Variants in SLC44A5 observed in about 807,000 individuals in gnomAD.
SLC44A5 encodes choline transporter-like protein 5.
In SLC44A5, 57 loss-of-function variants were observed where a neutral mutation model predicts 101.8. That is an observed-to-expected ratio of 0.56 (90% CI 0.45 to 0.70). The LOEUF is 0.70. SLC44A5 is among the 30% of genes least tolerant of loss of function. The pLI is 0.00. For missense variants in SLC44A5, 737 were observed against 853.1 expected (o/e 0.86, Z 1.70); for synonymous variants, 281 against 290.9 (o/e 0.97, Z 0.35).
chr1:75,658,873 C>T, the SLC44A5 span, among the ~76,000 whole-genome samples: 1 of 151,758 alleles, frequency 6.6e-6, no homozygotes, highest in Non-Finnish European at 1.5e-5. Context: ...ATTTTAAAAC[C>T]TTTATTTAGA....
rs145186992 is a variant in SLC44A5, at chr1:75,494,437, A to G, written c.13+46998T>C. Among the ~76,000 whole-genome samples, 120 of 152,294 alleles carry G rather than the reference A, an allele frequency of 7.9e-4. 1 individual carries two copies. Among genetic ancestry groups the G allele is most frequent in the African/African-American group, 2.7e-3 (111 of 41,564 alleles). ...CCCAAGGAATTAACTCCAAACTTGC[A>G]TATCTCTGGAAGTTGAGAATCTAGC... is the stretch of plus-strand genomic sequence containing the variant. On this transcript the variant is annotated intron_variant, in intron 2 of 23. Coordinates refer to ENST00000370859, the MANE Select transcript of SLC44A5 (RefSeq NM_001130058.2).
intron 2 of SLC44A5, among the ~76,000 whole-genome samples, chr1:75,496,882 T>C (rs543249927): frequency 6.6e-6 from 1 of 152,182 alleles, no homozygotes; most frequent in Non-Finnish European, 1.5e-5. Flanking sequence ...TGTAAAAAGA[T>C]GGTTAATATC....
chr1:75,467,035 C>T (rs187582255), intron 2 of SLC44A5, among the ~76,000 whole-genome samples: 1 of 151,896 alleles, frequency 6.6e-6, no homozygotes, highest in African/African-American at 2.4e-5. Context: ...TTCTATATGC[C>T]AATAATAAAC....
intron 2 of SLC44A5, among the ~76,000 whole-genome samples, chr1:75,438,158 A>T (rs1388412940): frequency 6.6e-6 from 1 of 152,140 alleles, no homozygotes; most frequent in Non-Finnish European, 1.5e-5. Context: ...TTCATTCAAG[A>T]AATGGGGAGA....
At chr1:75,252,319 A>G (rs1166982337) in intron 6 of SLC44A5, among the ~76,000 whole-genome samples, 4 of 152,222 alleles carry the variant, frequency 2.6e-5, no homozygotes, top group African/African-American at 2.4e-5. Flanking sequence ...GTAATGGGCT[A>G]TTGAGCAATA....
chr1:75,212,398 G>A (rs587124), intron 22 of SLC44A5, among the ~76,000 whole-genome samples: 33,293 of 151,786 alleles, frequency 0.22, 3,876 homozygotes, highest in Middle Eastern at 0.35. Flanking sequence ...TTGTGTCTAT[G>A]TGTACTCAAT....
At chr1:75,479,674 A>G (rs879684343) in intron 2 of SLC44A5, among the ~76,000 whole-genome samples, 304 of 122,648 alleles carry the variant, frequency 2.5e-3, no homozygotes, top group African/African-American at 5.7e-3. Flanking sequence ...ATTCCTTGAC[A>G]CATACACCCT....
chr1:75,465,089 T>G (rs1307046368), intron 2 of SLC44A5, among the ~76,000 whole-genome samples: 1 of 152,196 alleles, frequency 6.6e-6, no homozygotes, highest in Non-Finnish European at 1.5e-5. Context: ...AATACACATT[T>G]TTTGTTCATC....
In SLC44A5 at chr1:75,210,495, G is replaced by T. The variant is rs1049649130; in HGVS notation, c.2047+973C>A. ...AAATTAATCCAACTATTTCCTAGAGGCACTCCTCTCCGAATCCTATCCATT... is the reference window on the plus strand; with the variant it reads ...AAATTAATCCAACTATTTCCTAGAGTCACTCCTCTCCGAATCCTATCCATT... On this transcript the variant is annotated intron_variant, in intron 23 of 23. Transcript: ENST00000370859. 3.9e-5 allele frequency among the ~76,000 whole-genome samples: 6 copies of T among 152,226 alleles called. No homozygotes were observed. The East Asian group carries it at 1.2e-3, about 29-fold the overall frequency.
At chr1:75,476,261 T>A (rs116366122) in intron 2 of SLC44A5, among the ~76,000 whole-genome samples, 2,916 of 152,098 alleles carry the variant, frequency 0.019, 100 homozygotes, top group African/African-American at 0.067. Flanking sequence ...ACCTACTAAC[T>A]GGGGAGCAGC....
At chr1:75,719,770 G>A in the SLC44A5 span, among the ~76,000 whole-genome samples, 7 of 152,140 alleles carry the variant, frequency 4.6e-5, no homozygotes, top group Non-Finnish European at 8.8e-5. Context: ...TAAAGTCATA[G>A]TATTCTGAAG....
intron 1 of SLC44A5, among the ~76,000 whole-genome samples, chr1:75,551,360 C>T (rs1163881793): frequency 6.6e-6 from 1 of 152,116 alleles, no homozygotes; most frequent in Non-Finnish European, 1.5e-5. Context: ...CACTGAGCTC[C>T]AATAACCGTA....
At chr1:75,612,086 T>C (rs914588203), upstream of SLC44A5, among the ~76,000 whole-genome samples, 1 of 152,188 alleles carries the variant, frequency 6.6e-6, no homozygotes, top group Non-Finnish European at 1.5e-5. Flanking sequence ...TTCCTAGAGA[T>C]GCTATCAATA....
At chr1:75,398,514 A>T in intron 2 of SLC44A5, 1 of 398,934 alleles carries the variant, frequency 2.5e-6, no homozygotes, top group Non-Finnish European at 3.4e-6. Context: ...ACACTGTATC[A>T]TATACCCCAT....
At chr1:75,670,389 C>G in the SLC44A5 span, among the ~76,000 whole-genome samples, 1 of 152,120 alleles carries the variant, frequency 6.6e-6, no homozygotes, top group Admixed American at 6.5e-5. Context: ...AAATTCTAGA[C>G]AACACAAAAT....
intron 11 of SLC44A5, among the ~76,000 whole-genome samples, chr1:75,234,775 C>T (rs750156176): frequency 3.3e-5 from 5 of 152,002 alleles, no homozygotes; most frequent in East Asian, 1.9e-4. Context: ...ATTAACAGCA[C>T]GACTATCTTC....
the SLC44A5 span, among the ~76,000 whole-genome samples, chr1:75,622,635 T>C: frequency 5.6e-3 from 855 of 152,220 alleles, 6 homozygotes; most frequent in Non-Finnish European, 9.2e-3. Flanking sequence ...AGAGTATGAA[T>C]GGAAGGACAC....
At chr1:75,506,063 G>A (rs1385200160) in intron 2 of SLC44A5, among the ~76,000 whole-genome samples, 1 of 152,012 alleles carries the variant, frequency 6.6e-6, no homozygotes, top group Non-Finnish European at 1.5e-5. Context: ...TCATTCTTCT[G>A]CATATGGCCA....
the SLC44A5 span, among the ~76,000 whole-genome samples, chr1:75,674,767 A>G: frequency 6.6e-6 from 1 of 152,222 alleles, no homozygotes; most frequent in African/African-American, 2.4e-5. Context: ...TATTGGCCTT[A>G]AAGAGGAGAT....
Sources: allele counts gnomAD v4.1 joint callset (sites outside exome capture counted in the v4.1 genomes callset), GRCh38; gene constraint gnomAD v4.1.1; transcripts MANE v1.5; gene names NCBI Gene and HGNC (gene_info 2026-07-23, HGNC 2026-07-21).